The following USP35 variants were observed in gnomAD, a reference collection of about 807,000 sequenced individuals.
The protein encoded by USP35 is ubiquitin carboxyl-terminal hydrolase 35.
In USP35, 69 loss-of-function variants were observed where a neutral mutation model predicts 83.8. The observed-to-expected ratio is 0.82, with a 90% CI of 0.68 to 1.01. The LOEUF (loss-of-function observed/expected upper bound fraction) is 1.01. Among genes scored for constraint, USP35 ranks in the 50% least tolerant of loss-of-function variants. The pLI, the probability that USP35 is intolerant of heterozygous loss-of-function variation, is 0.00. For synonymous variants in USP35, 714 were observed against 589.5 expected, an observed-to-expected ratio of 1.21 and a Z score of -3.06; for missense variants, 1,503 against 1,362.5, an observed-to-expected ratio of 1.10 and a Z score of -1.62.
rs1445709454 is a variant in USP35, at chr11:78,215,055, G to A, written c.*1242G>A. On this transcript the variant is annotated 3_prime_UTR_variant, in exon 11 of 11. Coordinates refer to ENST00000529308, the MANE Select transcript of USP35 (RefSeq NM_020798.4). ...TCAAGATGTCACATCTAAGTGACCT[G>A]TGAAAGCAGCAGACAGACACGCCCA... Among the ~76,000 whole-genome samples, 2 of 152,190 alleles carry A rather than the reference G, an allele frequency of 1.3e-5. No individual in the cohort carries two copies. The highest frequency in any genetic ancestry group is 6.5e-5 in the Admixed American group (1 of 15,282).
downstream of USP35, chr11:78,219,423 G>A (rs533871653): frequency 9.3e-6 from 15 of 1,613,480 alleles, no homozygotes; most frequent in Middle Eastern, 1.7e-4. Context: ...TGGCTGAGGG[G>A]ACAGAGTGGG....
At chr11:78,206,066 C>T (rs1276821177) in intron 7 of USP35, 31 bp downstream of exon 7, 2 of 1,594,904 alleles carry the variant, frequency 1.3e-6, no homozygotes, top group Admixed American at 1.7e-5. Context: ...CCCTGTCTGC[C>T]CTTGCTTCTC....
downstream of USP35, chr11:78,217,353 C>G (rs1864199538): frequency 6.6e-6 from 1 of 152,206 alleles, no homozygotes; most frequent in African/African-American, 2.4e-5. Flanking sequence ...AATAAATACT[C>G]CTTGAGTTGA....
At chr11:78,222,097 G>T in the USP35 span, 2 of 1,577,832 alleles carry the variant, frequency 1.3e-6, no homozygotes, top group Non-Finnish European at 1.7e-6. Flanking sequence ...CCACACATAC[G>T]CACTTACTTG....
intron 6 of USP35, among the ~76,000 whole-genome samples, 171 bp downstream of exon 6, chr11:78,200,979 C>T (rs150910301): frequency 4.1e-4 from 62 of 152,372 alleles, no homozygotes; most frequent in African/African-American, 1.4e-3. Flanking sequence ...GAGCCACTCA[C>T]GTTCCCCAAG....
chr11:78,209,757 G>C lies in USP35; in HGVS notation c.1902G>C (p.Gly634=). Residue 634 remains glycine, a synonymous_variant, in exon 10 of 11, where the codon GGG becomes GGC. Coordinates refer to ENST00000529308, the MANE Select transcript of USP35 (RefSeq NM_020798.4). The part of the protein sequence containing the change: ...RELPPPTSAQ[G]PGRVGPRRQR... Reference sequence around the variant, plus strand: ...TGCCCCCACCAACCAGTGCACAGGGGCCAGGCAGGGTGGGTCCTCGGAGGC... The same window carrying C: ...TGCCCCCACCAACCAGTGCACAGGGCCCAGGCAGGGTGGGTCCTCGGAGGC... The C allele has an allele frequency of 6.2e-7, 1 of 1,614,044 alleles. No homozygotes were observed. Among genetic ancestry groups the C allele is most frequent in the Non-Finnish European group, 8.5e-7 (1 of 1,179,966 alleles).
chr11:78,206,550 G>A (rs1863535975), intron 7 of USP35, among the ~76,000 whole-genome samples: 1 of 152,236 alleles, frequency 6.6e-6, no homozygotes, highest in South Asian at 2.1e-4. Context: ...GGTTCAGTGG[G>A]AGGAGATTGG....
At chr11:78,231,330 G>T in the USP35 span, among the ~76,000 whole-genome samples, 1 of 103,180 alleles carries the variant, frequency 9.7e-6, no homozygotes, top group Non-Finnish European at 1.9e-5. Flanking sequence ...GCGCGCGCGC[G>T]TGTGTGGTGT....
chr11:78,208,973 C>T lies in USP35; in HGVS notation c.1592+10C>T, dbSNP rs775713064. On this transcript the variant is annotated intron_variant, in intron 9 of 10. Transcript: ENST00000529308. ...AGTACCTGCTGGATCGGTAAGGGGG[C>T]CAGGGCTACGCGAAGACTCCAGGTC... 4 of 1,613,064 alleles carry T rather than the reference C, an allele frequency of 2.5e-6. No homozygotes were observed. The highest frequency in any genetic ancestry group is 2.7e-5 in the African/African-American group (2 of 74,912).
intron 1 of USP35, among the ~76,000 whole-genome samples, chr11:78,191,945 G>A (rs761516115): frequency 3.3e-5 from 5 of 150,056 alleles, no homozygotes; most frequent in East Asian, 2.0e-4. Flanking sequence ...CTGGGTTCAC[G>A]CCATTCTCCT....
intron 1 of USP35, among the ~76,000 whole-genome samples, chr11:78,192,011 T>G (rs561114311): frequency 2.3e-3 from 355 of 152,092 alleles, no homozygotes; most frequent in African/African-American, 8.2e-3. Flanking sequence ...GCCCGGCTAA[T>G]TTTTTGTATT....
At chr11:78,212,503 G>T (rs1863825171) in intron 10 of USP35, among the ~76,000 whole-genome samples, 1 of 152,168 alleles carries the variant, frequency 6.6e-6, no homozygotes, top group Non-Finnish European at 1.5e-5. Context: ...GAATAGCATT[G>T]AATCTGTTAA....
the USP35 span, chr11:78,226,378 C>T: frequency 9.4e-7 from 1 of 1,068,024 alleles, no homozygotes; most frequent in Non-Finnish European, 1.5e-6. Context: ...TTCCCCTCGG[C>T]CATGGATGAC....
intron 7 of USP35, chr11:78,207,259 G>A (rs920880032): frequency 6.0e-5 from 21 of 352,844 alleles, no homozygotes; most frequent in African/African-American, 2.3e-4. Flanking sequence ...AGTCCTGAAC[G>A]TAGGTCTCAG....
chr11:78,228,308 T>G, the USP35 span, among the ~76,000 whole-genome samples: 1 of 152,236 alleles, frequency 6.6e-6, no homozygotes, highest in Non-Finnish European at 1.5e-5. Flanking sequence ...TTGTGTATGA[T>G]TCTTCATAGG....
intron 6 of USP35, among the ~76,000 whole-genome samples, chr11:78,202,363 C>T (rs1261059053): frequency 6.6e-6 from 1 of 152,148 alleles, no homozygotes; most frequent in Non-Finnish European, 1.5e-5. Context: ...CGTCTGGGCT[C>T]TGGATTGGGG....
intron 7 of USP35, 46 bp from the exon 8 acceptor site, chr11:78,207,484 T>A (rs1863566122): frequency 6.3e-7 from 1 of 1,599,098 alleles, no homozygotes; most frequent in East Asian, 2.2e-5. Context: ...TAGAGACTCC[T>A]TGGGGGCCCA....
Position 78,214,234 on chromosome 11 carries a change from A to AGAGGGGGGGGGGG in USP35, c.*422_*423insAGGGGGGGGGGGG, listed in dbSNP as rs1275222810. 1 of 96,202 alleles carries AGAGGGGGGGGGGG rather than the reference A, an allele frequency of 1.0e-5. No individual in the cohort carries two copies. The highest frequency in any genetic ancestry group is 5.1e-5 in the African/African-American group (1 of 19,634). 6.0% of individuals were successfully genotyped at this position (96,202 alleles called of 1,614,324 possible). ...ACAGCAGGATCCAAGCCTTGCACAA[A>AGAGGGGGGGGGGG]GGGGTGGGGGGGGCAGTGTCTCCTC... On this transcript the variant is annotated 3_prime_UTR_variant, in exon 11 of 11. Coordinates refer to ENST00000529308, the MANE Select transcript of USP35 (RefSeq NM_020798.4).
At chr11:78,195,796 T>G (rs571835927) in intron 1 of USP35, among the ~76,000 whole-genome samples, 3 of 152,064 alleles carry the variant, frequency 2.0e-5, no homozygotes, top group Non-Finnish European at 4.4e-5. Flanking sequence ...AGTGGGATGA[T>G]CTCCACTCGC....
Sources: gnomAD v4.1 joint callset for allele counts (sites outside exome capture counted in the v4.1 genomes callset) on GRCh38, gnomAD v4.1.1 for gene constraint, MANE v1.5 for transcripts, NCBI Gene and HGNC (gene_info 2026-07-23, HGNC 2026-07-21) for gene names.